Variants in DDHD1 observed in about 807,000 individuals in gnomAD.
DDHD1 encodes the protein DDHD domain containing 1, also known as phospholipase DDHD1.
DDHD1 carries 49 observed loss-of-function variants against 96.4 expected under a neutral mutation model. The ratio of observed to expected loss-of-function variants is 0.51; its 90% CI spans 0.40 to 0.64. The LOEUF (loss-of-function observed/expected upper bound fraction) is 0.64, where lower values mean the gene tolerates loss of function less well. Ranked by LOEUF, DDHD1 falls within the 30% of genes least tolerant of loss-of-function variation. DDHD1 has a pLI of 0.00. For missense variants in DDHD1, 1,106 were observed against 1,161.2 expected (o/e 0.95, Z 0.69); for synonymous variants, 442 against 446.5 (o/e 0.99, Z 0.13).
chr14:53,044,256 G>C lies in DDHD1; in HGVS notation c.*2512C>G, dbSNP rs1477525332. On this transcript the variant is annotated 3_prime_UTR_variant, in exon 13 of 13. Coordinates refer to ENST00000673822, the MANE Select transcript of DDHD1 (RefSeq NM_001160148.2). ...TCCAGAATATCTTATTTTTGAAAAG[G>C]TTTTGAATATTGCTCTTTCCAAGAA... 6.6e-6 allele frequency: 1 copy of C among 152,038 alleles called. No individual in the cohort carries two copies. Among genetic ancestry groups the C allele is most frequent in the African/African-American group, 2.4e-5 (1 of 41,398 alleles). 9.4% of individuals were successfully genotyped at this position (152,038 alleles called of 1,614,324 possible).
chr14:53,124,656 A>G (rs1022008110), intron 1 of DDHD1, among the ~76,000 whole-genome samples: 6 of 152,212 alleles, frequency 3.9e-5, no homozygotes, highest in African/African-American at 1.4e-4. Context: ...AGTATACCCT[A>G]AATACCATTT....
chr14:53,058,893 C>A (rs1479492256), intron 8 of DDHD1, among the ~76,000 whole-genome samples: 1 of 152,002 alleles, frequency 6.6e-6, no homozygotes, highest in Non-Finnish European at 1.5e-5. Context: ...TTTGTATACA[C>A]AAATCAAATA....
intron 11 of DDHD1, chr14:53,053,124 A>AGAGAACTAG (rs1476813914): frequency 6.6e-6 from 1 of 152,036 alleles, no homozygotes; most frequent in Admixed American, 6.6e-5. Flanking sequence ...CTACTGTTGC[A>AGAGAACTAG]CATTAATGAC....
chr14:53,047,848 G>A (rs557506332), intron 12 of DDHD1, among the ~76,000 whole-genome samples: 50 of 152,250 alleles, frequency 3.3e-4, no homozygotes, highest in South Asian at 6.2e-4. Context: ...TGATCCTTAG[G>A]AACTCCTTTA....
chr14:53,148,390 G>A (rs186994671), intron 1 of DDHD1, among the ~76,000 whole-genome samples: 103 of 151,450 alleles, frequency 6.8e-4, no homozygotes, highest in Middle Eastern at 3.4e-3. Context: ...TCGCCTCACT[G>A]CAACCACTGC....
At chr14:53,124,930 G>C (rs1889315911) in intron 1 of DDHD1, among the ~76,000 whole-genome samples, 1 of 152,104 alleles carries the variant, frequency 6.6e-6, no homozygotes, top group Non-Finnish European at 1.5e-5. Flanking sequence ...GCTTGCAGAT[G>C]GTCATCTTCT....
intron 7 of DDHD1, among the ~76,000 whole-genome samples, chr14:53,062,307 TG>T (rs1475717956): frequency 6.6e-6 from 1 of 152,010 alleles, no homozygotes; most frequent in Non-Finnish European, 1.5e-5. Context: ...TGTTTTAATA[TG>T]CTAGTAAATT....
At chr14:53,115,686 T>C (rs532345264) in intron 1 of DDHD1, among the ~76,000 whole-genome samples, 1 of 127,142 alleles carries the variant, frequency 7.9e-6, no homozygotes, top group African/African-American at 2.6e-5. Flanking sequence ...CCTAGGGATT[T>C]TGTCATCACC....
chr14:53,038,376 G>A lies in DDHD1; in HGVS notation c.*8392C>T, dbSNP rs1437875734. The A allele has an allele frequency of 3.3e-5, 5 of 152,036 alleles. No individual in the cohort carries two copies. The highest frequency in any genetic ancestry group is 7.2e-5 in the African/African-American group (3 of 41,400). The allele number at this position is 152,036 out of a possible 1,614,324, so 9.4% of individuals were successfully genotyped here. A position where few individuals can be genotyped will look rare whatever the true frequency, so the allele number is the denominator to read the frequency against. On this transcript the variant is annotated 3_prime_UTR_variant, in exon 13 of 13. Transcript: ENST00000673822. ...AGGAGCATTTCTATACACCAATAAC[G>A]TTCAAGCTGAGAGCAAATCAAGAAC...
intron 1 of DDHD1, among the ~76,000 whole-genome samples, chr14:53,133,426 C>A (rs183119520): frequency 6.6e-6 from 1 of 152,152 alleles, no homozygotes; most frequent in African/African-American, 2.4e-5. Context: ...GATAACAGAC[C>A]GGCCTTTATT....
At chr14:53,118,232 T>C (rs897803916) in intron 1 of DDHD1, among the ~76,000 whole-genome samples, 1 of 151,512 alleles carries the variant, frequency 6.6e-6, no homozygotes, top group Admixed American at 6.6e-5. Context: ...AGCTGAAAAA[T>C]CCAAAAAACA....
chr14:53,083,789 A>G (rs1225498638), intron 4 of DDHD1, among the ~76,000 whole-genome samples: 1 of 152,212 alleles, frequency 6.6e-6, no homozygotes, highest in Non-Finnish European at 1.5e-5. Context: ...TCTCTCTTTT[A>G]TTATGCAGAA....
intron 2 of DDHD1, among the ~76,000 whole-genome samples, chr14:53,102,110 GA>G (rs1344537588): frequency 1.3e-5 from 2 of 150,280 alleles, no homozygotes; most frequent in South Asian, 2.1e-4. Flanking sequence ...TTAACAGAAG[GA>G]AAAAAAAATC....
At chr14:53,050,351 C>T (rs1882429183) in intron 12 of DDHD1, among the ~76,000 whole-genome samples, 2 of 152,058 alleles carry the variant, frequency 1.3e-5, no homozygotes, top group South Asian at 4.1e-4. Flanking sequence ...TTTTGTCAAA[C>T]CAAATTGTGA....
rs1566557665 is a variant in DDHD1 at position 53,091,868 on chromosome 14, T to C, written c.1206A>G (p.Pro402=). 1 of 1,613,802 alleles carries C rather than the reference T, an allele frequency of 6.2e-7. No individual in the cohort carries two copies. Among genetic ancestry groups the C allele is most frequent in the East Asian group, 2.2e-5 (1 of 44,834 alleles). ...CAAATACAATATGGGTAGTCTGTGA[T>C]GGCTTGTCTTCTAATGTGGCTTCTT... ...YVEEATLEDK[P]SQTTHIVFVV... The change falls in exon 4 of 13, where the codon CCA becomes CCG. Residue 402 remains proline, a synonymous_variant. Transcript: ENST00000673822.
chr14:53,061,162 T>G lies in DDHD1; in HGVS notation c.1806A>C (p.Ala602=), dbSNP rs773569465. 1 of 1,612,058 alleles carries G rather than the reference T, an allele frequency of 6.2e-7. No homozygotes were observed. Among genetic ancestry groups the G allele is most frequent in the Non-Finnish European group, 8.5e-7 (1 of 1,179,404 alleles). ...EIEERLHGLK[A]SSMTQTPALK... ...AGGCAGGTGTTTGTGTCATAGATGA[T>G]GCTTTCAATCCGTGAAGCCGTTCTT... The change falls in exon 8 of 13, where the codon GCA becomes GCC. Residue 602 remains alanine (A), a synonymous_variant. Transcript: ENST00000673822.
At chr14:53,128,680 G>A (rs1230953738) in intron 1 of DDHD1, among the ~76,000 whole-genome samples, 2 of 152,136 alleles carry the variant, frequency 1.3e-5, no homozygotes, top group East Asian at 3.8e-4. Flanking sequence ...AGCAAAAAAG[G>A]GCCAGAAGCC....
chr14:53,146,820 A>G (rs955366696), intron 1 of DDHD1, among the ~76,000 whole-genome samples: 2 of 152,222 alleles, frequency 1.3e-5, no homozygotes, highest in African/African-American at 4.8e-5. Context: ...GATTATATAC[A>G]GTAACTATAA....
At chr14:53,073,552 A>G (rs1262229246) in intron 5 of DDHD1, among the ~76,000 whole-genome samples, 189 bp downstream of exon 5, 1 of 152,110 alleles carries the variant, frequency 6.6e-6, no homozygotes, top group Admixed American at 6.6e-5. Flanking sequence ...GATATTAGTC[A>G]GTATAATTAT....
Sources: gnomAD v4.1 joint callset for allele counts (sites outside exome capture counted in the v4.1 genomes callset) on GRCh38, gnomAD v4.1.1 for gene constraint, MANE v1.5 for transcripts, NCBI Gene and HGNC (gene_info 2026-07-23, HGNC 2026-07-21) for gene names.